The following ARHGAP30 variants were observed in gnomAD, a reference collection of about 807,000 sequenced individuals.
The protein encoded by ARHGAP30 is Rho GTPase activating protein 30.
Under a neutral mutation model 72.0 loss-of-function variants are expected in ARHGAP30, and 23 were observed. The observed-to-expected ratio is 0.32, with a 90% confidence interval of 0.23 to 0.45. The LOEUF (loss-of-function observed/expected upper bound fraction) is 0.45. Among genes scored for constraint, ARHGAP30 ranks in the 20% least tolerant of loss-of-function variants. The pLI is 1.00. For synonymous variants in ARHGAP30, 576 were observed against 528.2 expected (o/e 1.09, Z -1.24); for missense variants, 1,319 against 1,383.4 (o/e 0.95, Z 0.74).
rs1415916024 is a variant in ARHGAP30 at position 161,049,143 on chromosome 1, G to T, written c.1878C>A (p.Ile626=). ...LSPLLGPKPP[I]WKGSGSLEGE... ...CCTCCAGACTCCCTGAACCCTTCCA[G>T]ATTGGGGGTTTAGGTCCCAGAAGGG... The change falls in exon 12 of 12, where the codon ATC becomes ATA. Residue 626 remains isoleucine, a synonymous_variant. Transcript: ENST00000368013. The T allele has an allele frequency of 1.2e-6, 2 of 1,614,168 alleles. No individual in the cohort carries two copies. Among genetic ancestry groups the T allele is most frequent in the East Asian group, 2.2e-5 (1 of 44,874 alleles).
intron 5 of ARHGAP30, among the ~76,000 whole-genome samples, chr1:161,053,913 C>T (rs111978901): frequency 3.9e-5 from 6 of 152,128 alleles, no homozygotes; most frequent in African/African-American, 1.4e-4. Context: ...ACTAAAAATA[C>T]AAAAATTAGC....
chr1:161,047,954 C>T lies in ARHGAP30; in HGVS notation c.3067G>A (p.Glu1023Lys), dbSNP rs201654812. 3.1e-6 allele frequency: 5 copies of T among 1,614,046 alleles called. No homozygotes were observed. The African/African-American group carries it at 4.0e-5, about 13-fold the overall frequency. ...GGGATGAGGCAGTAATCCCCACCCT[C>T]AGTACAGGTCTGGGTTCGCCGAACT... is the stretch of plus-strand genomic sequence containing the variant. ...QGVRRTQTCT[E>K]GGDYCLIPRT... The change falls in exon 12 of 12, where the codon GAG (glutamate) becomes AAG (lysine). Residue 1023 changes from glutamate to lysine, a missense_variant. This residue lies in a region of ARHGAP30 where 1,097 missense variants were observed against 1,045.2 expected (regional missense o/e 1.05). Coordinates refer to ENST00000368013, the MANE Select transcript of ARHGAP30 (RefSeq NM_001025598.2).
chr1:161,049,447 C>T lies in ARHGAP30; in HGVS notation c.1663G>A (p.Glu555Lys). Residue 555 changes from glutamate (E) to lysine (K), a missense_variant, in exon 11 of 12, where the codon GAG (glutamate) becomes AAG (lysine). Glu to Lys is a moderately conservative substitution (Grantham distance 56, BLOSUM62 1). Around this residue, in one of 2 missense-constraint regions of ARHGAP30, gnomAD observed 1,097 missense variants for 1,045.2 expected, o/e 1.05. Coordinates refer to ENST00000368013, the MANE Select transcript of ARHGAP30 (RefSeq NM_001025598.2). ...ACCTGAGGCCCAACTCCCAGGAGCT[C>T]CTCCAGGTAGCCCATCCCAGGGTCG... is the stretch of plus-strand genomic sequence containing the variant. Reference protein sequence around the residue: ...EDDPGMGYLEELLGVGPQVEE... With the variant: ...EDDPGMGYLEKLLGVGPQVEE... 1.2e-6 allele frequency: 2 copies of T among 1,612,412 alleles called. No individual in the cohort carries two copies. The highest frequency in any genetic ancestry group is 1.7e-6 in the Non-Finnish European group (2 of 1,179,060).
intron 5 of ARHGAP30, 77 bp from the exon 6 acceptor site, chr1:161,053,462 T>TTCTCTGTCTC (rs1651574055): frequency 3.1e-6 from 2 of 635,282 alleles, no homozygotes; most frequent in East Asian, 8.7e-5. Context: ...AAATACCTTA[T>TTCTCTGTCTC]TCTCTCTCTC....
chr1:161,063,079 C>G (rs1244496419), intron 1 of ARHGAP30, among the ~76,000 whole-genome samples: 9 of 152,210 alleles, frequency 5.9e-5, no homozygotes, highest in Non-Finnish European at 7.3e-5. Context: ...TCTCAAAGTG[C>G]TGGGATTACA....
chr1:161,064,831 GAGAAAGAAAGAAAGA>G (rs1557935404), intron 1 of ARHGAP30, among the ~76,000 whole-genome samples: 47 of 73,890 alleles, frequency 6.4e-4, no homozygotes, highest in African/African-American at 3.5e-3. Flanking sequence ...AAGAAAGAAA[GAGAAAGAAAGAAAGA>G]AAGGAAAGGA....
chr1:161,051,314 C>G lies in ARHGAP30; in HGVS notation c.1420G>C (p.Asp474His). The change falls in exon 10 of 12, where the codon GAT becomes CAT. Residue 474 changes from aspartate (D) to histidine (H), a missense_variant and splice_region_variant. Coordinates refer to ENST00000368013, the MANE Select transcript of ARHGAP30 (RefSeq NM_001025598.2). ...TCTTGGTCAATCAATGGGTCCTCAC[C>G]TGGGGGGCCAGGGCCAAGGCCAGGG... The part of the protein sequence containing the change: ...PGPGLGPGPP[D>H]EKLEASPASS... The G allele has an allele frequency of 1.3e-6, 2 of 1,593,756 alleles. No individual in the cohort carries two copies. The highest frequency in any genetic ancestry group is 1.7e-6 in the Non-Finnish European group (2 of 1,169,936).
chr1:161,054,604 G>A lies in ARHGAP30; in HGVS notation c.428+19C>T. 1 of 1,613,232 alleles carries A rather than the reference G, an allele frequency of 6.2e-7. No homozygotes were observed. The highest frequency in any genetic ancestry group is 8.5e-7 in the Non-Finnish European group (1 of 1,179,234). On this transcript the variant is annotated intron_variant, in intron 4 of 11. Coordinates refer to ENST00000368013, the MANE Select transcript of ARHGAP30 (RefSeq NM_001025598.2). ...ATGAGTTGTCTCAGGTTGCTGGGCA[G>A]ATATGGAGTGTCACATACCTGTAGT...
At chr1:161,050,555 C>T (rs1281894216) in intron 10 of ARHGAP30, among the ~76,000 whole-genome samples, 1 of 151,082 alleles carries the variant, frequency 6.6e-6, no homozygotes, top group Non-Finnish European at 1.5e-5. Flanking sequence ...GTGATCCACC[C>T]TCCTCAGCTT....
intron 1 of ARHGAP30, among the ~76,000 whole-genome samples, chr1:161,061,552 A>G (rs1225087779): frequency 2.0e-5 from 3 of 152,208 alleles, no homozygotes; most frequent in Non-Finnish European, 2.9e-5. Context: ...AAAAAACTTT[A>G]AAAATTAGAT....
intron 9 of ARHGAP30, 32 bp downstream of exon 9, chr1:161,052,254 A>G (rs1022972404): frequency 8.1e-6 from 13 of 1,612,042 alleles, no homozygotes; most frequent in Non-Finnish European, 1.1e-5. Context: ...TAGCACACAC[A>G]CATACACACA....
At chr1:161,058,988 T>A (rs533074445) in intron 2 of ARHGAP30, among the ~76,000 whole-genome samples, 1 of 152,220 alleles carries the variant, frequency 6.6e-6, no homozygotes, top group South Asian at 2.1e-4. Flanking sequence ...AGTTATACAT[T>A]TTTAAATGGT....
intron 6 of ARHGAP30, 34 bp from the exon 7 acceptor site, chr1:161,052,831 C>G: frequency 6.2e-7 from 1 of 1,602,804 alleles, no homozygotes; most frequent in Non-Finnish European, 8.5e-7. Context: ...CAGCCAGGAA[C>G]AGAGCCAAGA....
intron 9 of ARHGAP30, 152 bp from the exon 10 acceptor site, chr1:161,051,867 A>G (rs768835499): frequency 6.8e-5 from 96 of 1,411,870 alleles, no homozygotes; most frequent in Middle Eastern, 2.6e-4. Context: ...TTTGATCACT[A>G]CTGCAAACTT....
intron 6 of ARHGAP30, 45 bp from the exon 7 acceptor site, chr1:161,052,842 G>A: frequency 1.3e-6 from 2 of 1,592,566 alleles, no homozygotes; most frequent in South Asian, 2.2e-5. Context: ...AGAGCCAAGA[G>A]AGGGACCTCA....
intron 1 of ARHGAP30, among the ~76,000 whole-genome samples, chr1:161,063,923 G>C (rs1448498947): frequency 6.6e-6 from 1 of 152,126 alleles, no homozygotes. Context: ...AATAAATTTT[G>C]GTCAGACCGG....
Position 161,054,572 on chromosome 1 carries a change from C to T in ARHGAP30, c.428+51G>A, listed in dbSNP as rs138681252. 30 of 1,605,358 alleles carry T rather than the reference C, an allele frequency of 1.9e-5. No homozygotes were observed. The African/African-American group carries it at 2.7e-4, about 14-fold the overall frequency. On this transcript the variant is annotated intron_variant, in intron 4 of 11. Transcript: ENST00000368013. ...AGGACCCAGTTAAGGCTCCAGGCAG[C>T]GAGTGAATGAGTTGTCTCAGGTTGC... is the stretch of plus-strand genomic sequence containing the variant.
intron 1 of ARHGAP30, chr1:161,060,338 G>C (rs1010682990): frequency 2.9e-6 from 1 of 347,434 alleles, no homozygotes; most frequent in African/African-American, 2.2e-5. Context: ...TCTCATGCCT[G>C]TAATCCCAAC....
In ARHGAP30 at chr1:161,047,573, C is replaced by A. The variant is rs1195313942; in HGVS notation, c.*142G>T. ...AAACCAACCAAGGCAGTGCCTCCCA[C>A]AGTCAAAGAGAGAAGCTGGAGGGCC... On this transcript the variant is annotated 3_prime_UTR_variant, in exon 12 of 12. Coordinates refer to ENST00000368013, the MANE Select transcript of ARHGAP30 (RefSeq NM_001025598.2). The A allele has an allele frequency of 1.2e-6, 1 of 846,094 alleles. No individual in the cohort carries two copies. Among genetic ancestry groups the A allele is most frequent in the Non-Finnish European group, 1.7e-6 (1 of 596,238 alleles). 52.4% of individuals were successfully genotyped at this position (846,094 alleles called of 1,614,324 possible).
Sources: allele counts gnomAD v4.1 joint callset (sites outside exome capture counted in the v4.1 genomes callset), GRCh38; gene constraint gnomAD v4.1.1; regional missense constraint gnomAD v4.1.1; transcripts MANE v1.5; gene names NCBI Gene and HGNC (gene_info 2026-07-23, HGNC 2026-07-21).